Variants in YME1L1 observed in about 807,000 individuals in gnomAD.
The protein encoded by YME1L1 is YME1 like 1 ATPase.
YME1L1 carries 39 observed loss-of-function variants against 90.4 expected under a neutral mutation model. That is an observed-to-expected ratio of 0.43 (90% CI 0.33 to 0.56). The LOEUF (loss-of-function observed/expected upper bound fraction) is 0.56. YME1L1 is among the 20% of genes least tolerant of loss of function. YME1L1 has a pLI of 0.03. For synonymous variants in YME1L1, 284 were observed against 287.3 expected (o/e 0.99, Z 0.12); for missense variants, 617 against 868.4 (o/e 0.71, Z 3.64).
At chr10:27,139,132 C>G (rs2057059058) in intron 4 of YME1L1, among the ~76,000 whole-genome samples, 1 of 152,070 alleles carries the variant, frequency 6.6e-6, no homozygotes, top group South Asian at 2.1e-4. Context: ...AAGTGAAACA[C>G]ATCTATTTTG....
chr10:27,136,250 T>C (rs905898851), intron 5 of YME1L1, 26 bp downstream of exon 5: 7 of 1,586,248 alleles, frequency 4.4e-6, no homozygotes, highest in Non-Finnish European at 6.0e-6. Flanking sequence ...ATATTTGCTT[T>C]TTGGATCATA....
chr10:27,128,875 C>T (rs1304656351), intron 8 of YME1L1, among the ~76,000 whole-genome samples: 1 of 151,922 alleles, frequency 6.6e-6, no homozygotes, highest in Non-Finnish European at 1.5e-5. Flanking sequence ...CACTACTGCA[C>T]TTCAGTCTGG....
intron 9 of YME1L1, among the ~76,000 whole-genome samples, chr10:27,124,222 G>A (rs1465908978): frequency 6.6e-6 from 1 of 152,152 alleles, no homozygotes. Context: ...GTACAAGAAA[G>A]TCTTTAGATG....
chr10:27,121,518 C>G, intron 11 of YME1L1, 70 bp from the exon 12 acceptor site: 1 of 1,140,894 alleles, frequency 8.8e-7, no homozygotes, highest in Non-Finnish European at 1.3e-6. Context: ...ATGCTCTACA[C>G]AAAACTGGTT....
rs3780923 is a variant in YME1L1, at chr10:27,135,354, A to G, written c.541-373T>C. On this transcript the variant is annotated intron_variant, in intron 5 of 18. Coordinates refer to ENST00000376016, the MANE Select transcript of YME1L1 (RefSeq NM_014263.4). ...GCACCGTTCATATACTTGGCCTTAT[A>G]TAAGTTCTGAAGATGTAAAGATAAA... is the stretch of plus-strand genomic sequence containing the variant. Among the ~76,000 whole-genome samples, 918 of 152,334 alleles carry G rather than the reference A, an allele frequency of 6.0e-3. 41 individuals carry two copies. The East Asian group carries it at 0.12, about 19-fold the overall frequency.
chr10:27,152,950 T>G (rs1244478309), intron 1 of YME1L1, among the ~76,000 whole-genome samples: 1 of 152,214 alleles, frequency 6.6e-6, no homozygotes, highest in African/African-American at 2.4e-5. Context: ...CCAATACACT[T>G]AAAATGAAAT....
At chr10:27,147,401 A>T in intron 2 of YME1L1, 1 of 1,596,586 alleles carries the variant, frequency 6.3e-7, no homozygotes, top group Non-Finnish European at 8.6e-7. Context: ...CTGATGGAAC[A>T]AGTGAAAGAT....
At chr10:27,130,889 C>T (rs1410691573) in intron 8 of YME1L1, among the ~76,000 whole-genome samples, 3 of 152,156 alleles carry the variant, frequency 2.0e-5, no homozygotes, top group Admixed American at 1.3e-4. Context: ...AATGTCAATT[C>T]TATCCTTCTA....
intron 18 of YME1L1, among the ~76,000 whole-genome samples, chr10:27,112,360 T>A (rs1471877029): frequency 1.3e-5 from 2 of 152,168 alleles, no homozygotes; most frequent in African/African-American, 2.4e-5. Flanking sequence ...TCTCTAAACC[T>A]TTCCATCATA....
intron 8 of YME1L1, among the ~76,000 whole-genome samples, chr10:27,128,459 G>A (rs2056942595): frequency 6.6e-6 from 1 of 152,078 alleles, no homozygotes; most frequent in Non-Finnish European, 1.5e-5. Flanking sequence ...TCCAGGACAG[G>A]CGTGGTGGCT....
At chr10:27,134,525 T>C (rs2057006996) in intron 6 of YME1L1, among the ~76,000 whole-genome samples, 1 of 152,232 alleles carries the variant, frequency 6.6e-6, no homozygotes, top group South Asian at 2.1e-4. Flanking sequence ...CAATGAGCCA[T>C]GATTGCACCA....
intron 9 of YME1L1, among the ~76,000 whole-genome samples, chr10:27,125,113 A>C (rs2056903824): frequency 6.6e-6 from 1 of 152,228 alleles, no homozygotes; most frequent in African/African-American, 2.4e-5. Flanking sequence ...GTCATCCTTT[A>C]ACTCAGCAAT....
intron 4 of YME1L1, 123 bp from the exon 5 acceptor site, chr10:27,136,508 A>G (rs931378923): frequency 7.8e-6 from 6 of 767,478 alleles, no homozygotes; most frequent in Non-Finnish European, 1.3e-5. Flanking sequence ...CTGACACTTC[A>G]ATACGTTTTC....
At chr10:27,119,488 A>C in intron 13 of YME1L1, 39 bp from the exon 14 acceptor site, 1 of 1,574,664 alleles carries the variant, frequency 6.4e-7, no homozygotes, top group Non-Finnish European at 8.6e-7. Context: ...TAAGTCTAAA[A>C]CAGGTAAAAG....
rs557134396 is a variant in YME1L1 at position 27,140,784 on chromosome 10, G to T, written c.430+1603C>A. On this transcript the variant is annotated intron_variant, in intron 4 of 18. Coordinates refer to ENST00000376016, the MANE Select transcript of YME1L1 (RefSeq NM_014263.4). ...AAGCCACTGTGCCTGGCCGTATTTA[G>T]GTATTTTTTTAAGCTGTCTTTTCTG... Among the ~76,000 whole-genome samples the T allele has an allele frequency of 7.9e-5, 12 of 152,104 alleles. No homozygotes were observed. The South Asian group carries it at 1.9e-3, about 24-fold the overall frequency.
intron 18 of YME1L1, among the ~76,000 whole-genome samples, chr10:27,113,692 A>G (rs1173993461): frequency 1.3e-5 from 2 of 151,584 alleles, no homozygotes; most frequent in East Asian, 3.9e-4. Flanking sequence ...AAAAAAAGAA[A>G]AAACAAAAAC....
intron 14 of YME1L1, among the ~76,000 whole-genome samples, chr10:27,118,488 G>A (rs1049023739): frequency 6.6e-6 from 1 of 151,732 alleles, no homozygotes; most frequent in Non-Finnish European, 1.5e-5. Flanking sequence ...TTGCTATGTT[G>A]CCCAGCTGAT....
At chr10:27,129,038 A>G (rs2135865673) in intron 8 of YME1L1, among the ~76,000 whole-genome samples, 1 of 135,844 alleles carries the variant, frequency 7.4e-6, no homozygotes, top group African/African-American at 2.7e-5. Flanking sequence ...GTGAGCCATG[A>G]TCATGCCACT....
intron 11 of YME1L1, 111 bp downstream of exon 11, chr10:27,122,730 T>C (rs2056879570): frequency 2.8e-6 from 4 of 1,437,694 alleles, no homozygotes; most frequent in Non-Finnish European, 3.8e-6. Flanking sequence ...ACATTTTTCA[T>C]ATCTCTAGAT....
Sources: allele counts gnomAD v4.1 joint callset (sites outside exome capture counted in the v4.1 genomes callset), GRCh38; gene constraint gnomAD v4.1.1; transcripts MANE v1.5; gene names NCBI Gene and HGNC (gene_info 2026-07-23, HGNC 2026-07-21).